Variants in AFF2 observed in about 807,000 individuals in gnomAD.
AFF2 encodes the protein ALF transcription elongation factor 2, also known as AF4/FMR2 family member 2.
Under a neutral mutation model 76.9 loss-of-function variants are expected in AFF2, and 14 were observed. The ratio of observed to expected loss-of-function variants is 0.18; its 90% CI spans 0.12 to 0.28. The LOEUF is 0.28. Ranked by LOEUF, AFF2 falls within the 10% of genes least tolerant of loss-of-function variation. The probability of loss-of-function intolerance (pLI) is 1.00; values close to 1 mark genes in which losing one functional copy is unlikely to be tolerated. For synonymous variants in AFF2, 398 were observed against 366.7 expected, an observed-to-expected ratio of 1.09 and a Z score of -0.98; for missense variants, 868 against 1,001.1, an observed-to-expected ratio of 0.87 and a Z score of 1.79.
At position 148,981,391 on chromosome X, in the gene AFF2, A is replaced by G. The variant is rs2072390473; in HGVS notation, c.3623+601A>G. 3.6e-5 allele frequency among the ~76,000 whole-genome samples: 4 copies of G among 110,756 alleles called. No homozygotes were observed. In the Admixed American group the frequency reaches 3.9e-4, roughly 11 times the overall value. ...TTAATAGCAGTGGAGTAGGGGCCCA[A>G]AAACCGTTGACCTGGTGCTGAAGCT... On this transcript the variant is annotated intron_variant, in intron 19 of 20. Transcript: ENST00000370460.
At chrX:148,634,644 A>G (rs1439735013) in intron 1 of AFF2, among the ~76,000 whole-genome samples, 1 of 112,087 alleles carries the variant, frequency 8.9e-6, no homozygotes, top group Non-Finnish European at 1.9e-5. Context: ...TCTCATAGAA[A>G]TAACAAGCAT....
rs1319356665 is a variant in AFF2, at chrX:148,994,638, T to C, written c.*3306T>C. On this transcript the variant is annotated 3_prime_UTR_variant, in exon 21 of 21. Coordinates refer to ENST00000370460, the MANE Select transcript of AFF2 (RefSeq NM_002025.4). ...AACCATTGGCTAAAAATGTGTTTTGTTGAGTTTCCAAATGGATGAATTTTC... is the reference window on the plus strand; with the variant it reads ...AACCATTGGCTAAAAATGTGTTTTGCTGAGTTTCCAAATGGATGAATTTTC... 8.9e-6 allele frequency: 1 copy of C among 112,520 alleles called. No homozygotes were observed. The highest frequency in any genetic ancestry group is 3.2e-5 in the African/African-American group (1 of 30,961). 9.3% of individuals were successfully genotyped at this position (112,520 alleles called of 1,213,427 possible). A position where few individuals can be genotyped will look rare whatever the true frequency, so the allele number is the denominator to read the frequency against.
At chrX:148,808,595 A>T (rs1267661628) in intron 3 of AFF2, among the ~76,000 whole-genome samples, 3 of 112,097 alleles carry the variant, frequency 2.7e-5, no homozygotes, top group Non-Finnish European at 5.6e-5. Flanking sequence ...ATAATTACAC[A>T]GATAAGAAGT....
intron 9 of AFF2, 23 bp downstream of exon 9, chrX:148,904,281 T>G (rs1399362087): frequency 2.0e-6 from 2 of 989,820 alleles, no homozygotes; most frequent in Non-Finnish European, 2.9e-6. Flanking sequence ...TTTTATTAGT[T>G]GCAAATGTTA....
chrX:148,761,956 T>TATATAGATATAGATATAGATATAG (rs56137519), intron 3 of AFF2, among the ~76,000 whole-genome samples: 27 of 99,591 alleles, frequency 2.7e-4, no homozygotes, highest in Admixed American at 6.6e-4. Context: ...TGTATGTGTG[T>TATATAGATATAGATATAGATATAG]ATATAGATAT....
intron 7 of AFF2, among the ~76,000 whole-genome samples, chrX:148,882,608 T>A (rs909069576): frequency 9.0e-6 from 1 of 111,645 alleles, no homozygotes; most frequent in Admixed American, 9.5e-5. Context: ...ACATTATGTG[T>A]CATGAATTTG....
chrX:148,878,193 T>G (rs1375558074), intron 7 of AFF2, among the ~76,000 whole-genome samples: 1 of 111,963 alleles, frequency 8.9e-6, no homozygotes, highest in Non-Finnish European at 1.9e-5. Flanking sequence ...CTGAGCCTTA[T>G]CAAAATGAAG....
intron 4 of AFF2, among the ~76,000 whole-genome samples, chrX:148,812,660 C>T (rs1351061659): frequency 2.7e-5 from 3 of 111,373 alleles, no homozygotes; most frequent in African/African-American, 9.8e-5. Context: ...CAAGCAAACA[C>T]ATACAAACCC....
At chrX:148,932,849 C>T (rs1481850842) in intron 9 of AFF2, among the ~76,000 whole-genome samples, 1 of 112,360 alleles carries the variant, frequency 8.9e-6, no homozygotes, top group South Asian at 3.7e-4. Context: ...TCATTAAATG[C>T]CTACTAGTTC....
At chrX:148,578,854 G>A (rs1306928228) in intron 1 of AFF2, among the ~76,000 whole-genome samples, 1 of 111,742 alleles carries the variant, frequency 8.9e-6, no homozygotes, top group Non-Finnish European at 1.9e-5. Context: ...ATAAATGTTA[G>A]ACTCTAGACT....
chrX:148,588,045 G>C (rs1248568699), intron 1 of AFF2, among the ~76,000 whole-genome samples: 2 of 111,900 alleles, frequency 1.8e-5, no homozygotes, highest in Non-Finnish European at 3.8e-5. Context: ...CATTAGTCTT[G>C]GTCCCTTCAA....
intron 1 of AFF2, among the ~76,000 whole-genome samples, chrX:148,633,462 C>T (rs782559391): frequency 5.3e-5 from 6 of 112,421 alleles, no homozygotes; most frequent in Admixed American, 1.9e-4. Flanking sequence ...CACACACACA[C>T]GCATACACAA....
intron 3 of AFF2, among the ~76,000 whole-genome samples, chrX:148,719,728 G>A (rs2055069366): frequency 8.9e-6 from 1 of 111,762 alleles, no homozygotes; most frequent in Admixed American, 9.5e-5. Context: ...AGAATGGATG[G>A]TGCAGGCCAA....
chrX:148,809,782 A>T (rs1362153764), intron 3 of AFF2, 94 bp from the exon 4 acceptor site: 1 of 893,618 alleles, frequency 1.1e-6, no homozygotes, highest in African/African-American at 2.0e-5. Context: ...TGATAGCTAG[A>T]TTTTCTTGCT....
At chrX:148,520,746 A>G (rs1408712771) in intron 1 of AFF2, among the ~76,000 whole-genome samples, 3 of 112,424 alleles carry the variant, frequency 2.7e-5, no homozygotes, top group Non-Finnish European at 5.6e-5. Flanking sequence ...TTCAGACTTT[A>G]GAGCTGTGTT....
At chrX:148,908,436 C>A (rs1439152056) in intron 9 of AFF2, among the ~76,000 whole-genome samples, 1 of 112,071 alleles carries the variant, frequency 8.9e-6, no homozygotes, top group Non-Finnish European at 1.9e-5. Flanking sequence ...TTATGTTCTT[C>A]TACCATGGCT....
chrX:148,612,287 G>T (rs1050090552), intron 1 of AFF2, among the ~76,000 whole-genome samples: 2 of 111,767 alleles, frequency 1.8e-5, no homozygotes, highest in African/African-American at 6.5e-5. Context: ...TTTCCTCCCT[G>T]CTTAAGATGT....
rs2053762132 is a variant in AFF2, at chrX:148,614,214, A to G, written c.48-37785A>G. Among the ~76,000 whole-genome samples the G allele has an allele frequency of 1.7e-4, 19 of 112,124 alleles. No homozygotes were observed. In the Admixed American group the frequency reaches 1.8e-3, roughly 11 times the overall value. The stretch of plus-strand genomic sequence containing the variant: ...GAGAAAGTGGGAAGTGACTGATGAT[A>G]GCTTAATTTACACACAATTTTGTGT... On this transcript the variant is annotated intron_variant, in intron 1 of 20. Transcript: ENST00000370460.
At chrX:148,825,236 A>G (rs1368569266) in intron 4 of AFF2, among the ~76,000 whole-genome samples, 6 of 111,939 alleles carry the variant, frequency 5.4e-5, no homozygotes, top group Non-Finnish European at 9.4e-5. Context: ...GCTCAAAGCC[A>G]GACACCTGGG....
Sources: allele counts gnomAD v4.1 joint callset (sites outside exome capture counted in the v4.1 genomes callset), GRCh38; gene constraint gnomAD v4.1.1; transcripts MANE v1.5; gene names NCBI Gene and HGNC (gene_info 2026-07-23, HGNC 2026-07-21).